Variants in CACNA2D3 observed in about 807,000 individuals in gnomAD.
CACNA2D3 encodes the protein voltage-dependent calcium channel subunit alpha-2/delta-3.
CACNA2D3 carries 60 observed loss-of-function variants against 160.6 expected under a neutral mutation model. That is an observed-to-expected ratio of 0.37 (90% CI 0.30 to 0.46). The LOEUF is 0.46. Among genes scored for constraint, CACNA2D3 ranks in the 20% least tolerant of loss-of-function variants. The probability of loss-of-function intolerance (pLI) is 1.00; values close to 1 mark genes in which losing one functional copy is unlikely to be tolerated. For missense variants in CACNA2D3, 1,205 were observed against 1,365.0 expected (o/e 0.88, Z 1.85); for synonymous variants, 558 against 492.9 (o/e 1.13, Z -1.75).
At chr3:54,924,208 A>G (rs1700942475) in intron 27 of CACNA2D3, among the ~76,000 whole-genome samples, 1 of 152,222 alleles carries the variant, frequency 6.6e-6, no homozygotes, top group African/African-American at 2.4e-5. Flanking sequence ...AATGGGTAGA[A>G]GCAGACAAAG....
chr3:55,074,232 A>G lies in CACNA2D3; in HGVS notation c.*26A>G. The G allele has an allele frequency of 8.6e-7, 1 of 1,159,968 alleles. No individual in the cohort carries two copies. The highest frequency in any genetic ancestry group is 1.2e-6 in the Non-Finnish European group (1 of 802,144). The allele number at this position is 1,159,968 out of a possible 1,614,324, so 71.9% of individuals were successfully genotyped here. A position where few individuals can be genotyped will look rare whatever the true frequency, so the allele number is the denominator to read the frequency against. ...CACTGACTGAGATGTTCTCTTACTG[A>G]CTGAGATGTTCTCTTGGCATGCTAA... On this transcript the variant is annotated 3_prime_UTR_variant, in exon 38 of 38. Coordinates refer to ENST00000474759, the MANE Select transcript of CACNA2D3 (RefSeq NM_018398.3).
At position 54,248,634 on chromosome 3, in the gene CACNA2D3, C is replaced by T. The variant is rs964295094; in HGVS notation, c.205-71808C>T. On this transcript the variant is annotated intron_variant, in intron 2 of 37. Coordinates refer to ENST00000474759, the MANE Select transcript of CACNA2D3 (RefSeq NM_018398.3). ...ATGTGAGGACACAGCAACAAGGCAG[C>T]AAGCCAAGGAGAGAGGCCATCAGAA... Among the ~76,000 whole-genome samples the T allele has an allele frequency of 1.8e-4, 28 of 152,178 alleles. 1 individual carries two copies.
At chr3:54,542,105 A>G (rs1167813680) in intron 5 of CACNA2D3, among the ~76,000 whole-genome samples, 1 of 151,948 alleles carries the variant, frequency 6.6e-6, no homozygotes, top group African/African-American at 2.4e-5. Flanking sequence ...CTCTGTCTCC[A>G]GGCTGGAGTG....
intron 2 of CACNA2D3, among the ~76,000 whole-genome samples, chr3:54,303,136 G>A (rs1007588701): frequency 1.3e-5 from 2 of 152,116 alleles, no homozygotes; most frequent in African/African-American, 4.8e-5. Flanking sequence ...AATGACATGT[G>A]TGTTCTGTGC....
chr3:54,799,922 C>A (rs762022463), intron 13 of CACNA2D3, among the ~76,000 whole-genome samples: 2 of 152,316 alleles, frequency 1.3e-5, no homozygotes, highest in South Asian at 2.1e-4. Flanking sequence ...CCCTTTCCTC[C>A]CCTAACTTTC....
At chr3:54,277,552 C>T (rs1289356900) in intron 2 of CACNA2D3, among the ~76,000 whole-genome samples, 1 of 152,160 alleles carries the variant, frequency 6.6e-6, no homozygotes, top group Non-Finnish European at 1.5e-5. Context: ...AGTTTGAAGG[C>T]AGGAAGTGTG....
At chr3:54,185,076 T>A (rs1700857040) in intron 2 of CACNA2D3, among the ~76,000 whole-genome samples, 1 of 152,218 alleles carries the variant, frequency 6.6e-6, no homozygotes, top group South Asian at 2.1e-4. Context: ...ATGCTGAAAT[T>A]CTTCTGTTGA....
chr3:54,720,690 T>C (rs115177373), intron 11 of CACNA2D3, among the ~76,000 whole-genome samples: 108 of 152,262 alleles, frequency 7.1e-4, no homozygotes, highest in Non-Finnish European at 1.4e-3. Flanking sequence ...AATTCCCCAC[T>C]ATGATATTGT....
At chr3:54,227,478 C>T (rs1282729580) in intron 2 of CACNA2D3, among the ~76,000 whole-genome samples, 1 of 150,386 alleles carries the variant, frequency 6.6e-6, no homozygotes, top group East Asian at 2.0e-4. Context: ...TTTGGTATTC[C>T]TCGGGAGAGT....
intron 2 of CACNA2D3, among the ~76,000 whole-genome samples, chr3:54,227,297 C>A (rs994435091): frequency 2.6e-5 from 4 of 152,060 alleles, no homozygotes; most frequent in African/African-American, 9.7e-5. Context: ...ATGTGCTAGG[C>A]CCCTTTTTGT....
intron 9 of CACNA2D3, among the ~76,000 whole-genome samples, chr3:54,603,892 T>C (rs1445467554): frequency 2.0e-5 from 3 of 152,176 alleles, no homozygotes; most frequent in Non-Finnish European, 4.4e-5. Context: ...AAAAAAAGTT[T>C]AACTTATCTA....
intron 4 of CACNA2D3, among the ~76,000 whole-genome samples, chr3:54,461,972 TTG>T (rs1700514054): frequency 6.6e-6 from 1 of 152,226 alleles, no homozygotes; most frequent in African/African-American, 2.4e-5. Context: ...TTCTGGTATG[TTG>T]TGTCTTTGTT....
intron 4 of CACNA2D3, among the ~76,000 whole-genome samples, chr3:54,465,712 A>G (rs764832845): frequency 6.6e-6 from 1 of 152,216 alleles, no homozygotes; most frequent in Non-Finnish European, 1.5e-5. Flanking sequence ...CAAAACCGCA[A>G]TTACTTTTGC....
chr3:54,575,215 CTG>C (rs1379824007), intron 8 of CACNA2D3, among the ~76,000 whole-genome samples: 3 of 152,196 alleles, frequency 2.0e-5, no homozygotes, highest in South Asian at 4.1e-4. Flanking sequence ...ACCAGTAAAA[CTG>C]TAAAAATATT....
chr3:54,130,169 C>T (rs1021522741), intron 2 of CACNA2D3, among the ~76,000 whole-genome samples: 1 of 152,200 alleles, frequency 6.6e-6, no homozygotes, highest in African/African-American at 2.4e-5. Flanking sequence ...AACTGCGGGG[C>T]CCTGGCTAAG....
chr3:54,957,155 A>G (rs1240738815), intron 27 of CACNA2D3, among the ~76,000 whole-genome samples: 1 of 109,736 alleles, frequency 9.1e-6, no homozygotes, highest in African/African-American at 3.4e-5. Flanking sequence ...ATCAAGTTAT[A>G]AAATAATTTT....
rs1700804894 is a variant in CACNA2D3, at chr3:54,475,062, CTAAG to C, written c.382-28425_382-28422del. ...CACAGACTCTTGGGAGAACTGAAAT[CTAAG>C]TAAGAGATTACCTTGCACATTGCGT... is the stretch of plus-strand genomic sequence containing the variant. On this transcript the variant is annotated intron_variant, in intron 4 of 37. Coordinates refer to ENST00000474759, the MANE Select transcript of CACNA2D3 (RefSeq NM_018398.3). 2.0e-5 allele frequency among the ~76,000 whole-genome samples: 3 copies of C among 152,160 alleles called. No individual in the cohort carries two copies. In the South Asian group the frequency reaches 6.2e-4, roughly 32 times the overall value.
chr3:54,745,936 T>C (rs1701745975), intron 11 of CACNA2D3, among the ~76,000 whole-genome samples: 1 of 152,218 alleles, frequency 6.6e-6, no homozygotes, highest in African/African-American at 2.4e-5. Context: ...ATCTATGATA[T>C]TCGTTTGTTG....
At chr3:54,850,001 C>T (rs948723602) in intron 17 of CACNA2D3, among the ~76,000 whole-genome samples, 1 of 152,202 alleles carries the variant, frequency 6.6e-6, no homozygotes, top group Non-Finnish European at 1.5e-5. Context: ...CACAAAGTGT[C>T]TCCAAGAACA....
Sources: gnomAD v4.1 joint callset for allele counts (sites outside exome capture counted in the v4.1 genomes callset) on GRCh38, gnomAD v4.1.1 for gene constraint, MANE v1.5 for transcripts, NCBI Gene and HGNC (gene_info 2026-07-23, HGNC 2026-07-21) for gene names.